Variants in PRKCE observed in about 807,000 individuals in gnomAD.
The protein encoded by PRKCE is protein kinase C epsilon.
In PRKCE, 16 loss-of-function variants were observed where a neutral mutation model predicts 85.4. The observed-to-expected ratio is 0.19, with a 90% CI of 0.13 to 0.28. PRKCE has a LOEUF of 0.28. Among genes scored for constraint, PRKCE ranks in the 10% least tolerant of loss-of-function variants. PRKCE has a pLI of 1.00. For synonymous variants in PRKCE, 388 were observed against 371.5 expected (o/e 1.04, Z -0.51); for missense variants, 573 against 975.2 (o/e 0.59, Z 5.49).
rs192280864 is a variant in PRKCE at position 46,037,676 on chromosome 2, G to A, written c.1437+27159G>A. ...CAACTCCCAATCCTTTCTTCTGAGG[G>A]CAGGATGTTGTAGGGCTATTGTTCC... On this transcript the variant is annotated intron_variant, in intron 10 of 14. Transcript: ENST00000306156. Among the ~76,000 whole-genome samples, 158 of 152,254 alleles carry A rather than the reference G, an allele frequency of 1.0e-3. 1 individual carries two copies. The highest frequency in any genetic ancestry group is 1.9e-3 in the Non-Finnish European group (127 of 68,016).
At chr2:45,833,130 C>G (rs1322754362) in intron 1 of PRKCE, among the ~76,000 whole-genome samples, 1 of 86,114 alleles carries the variant, frequency 1.2e-5, no homozygotes, top group Admixed American at 1.5e-4. Flanking sequence ...CCAGCCTGGG[C>G]AACATGGCAA....
intron 1 of PRKCE, among the ~76,000 whole-genome samples, chr2:45,799,927 G>A (rs974125058): frequency 1.3e-5 from 2 of 152,212 alleles, no homozygotes; most frequent in Admixed American, 1.3e-4. Flanking sequence ...TAAGCTCCTA[G>A]CATCTGAATG....
At position 46,184,411 on chromosome 2, in the gene PRKCE, G is replaced by A. The variant is rs900773114; in HGVS notation, c.2068-324G>A. 1.4e-5 allele frequency among the ~76,000 whole-genome samples: 2 copies of A among 145,932 alleles called. No individual in the cohort carries two copies. Among genetic ancestry groups the A allele is most frequent in the Non-Finnish European group, 3.0e-5 (2 of 66,780 alleles). Reference sequence around the variant, plus strand: ...GTTGCTGAAAGAGGGTGTGAGATGGGACCTTTGCATCATACACACACAAAC... The same window carrying A: ...GTTGCTGAAAGAGGGTGTGAGATGGAACCTTTGCATCATACACACACAAAC... On this transcript the variant is annotated intron_variant, in intron 14 of 14. Transcript: ENST00000306156. This position sits in a 1 kb window ranked among gnomAD's most constrained non-coding sequence, Gnocchi z 5.0.
Position 46,185,925 on chromosome 2 carries a change from T to C in PRKCE, c.*1044T>C, listed in dbSNP as rs547179075. 2 of 152,398 alleles carry C rather than the reference T, an allele frequency of 1.3e-5. No individual in the cohort carries two copies. Among genetic ancestry groups the C allele is most frequent in the African/African-American group, 4.8e-5 (2 of 41,598 alleles). 9.4% of individuals were successfully genotyped at this position (152,398 alleles called of 1,614,324 possible). A position where few individuals can be genotyped will look rare whatever the true frequency, so the allele number is the denominator to read the frequency against. On this transcript the variant is annotated 3_prime_UTR_variant, in exon 15 of 15. Transcript: ENST00000306156. The surrounding 1 kb of genome is among the most constrained non-coding windows in gnomAD (Gnocchi z 4.7). ...TTTGCGCACTTATACAAAATGGTAG[T>C]ACTACTGTGTTGTGGTTTTTAAACA... is the stretch of plus-strand genomic sequence containing the variant.
intron 10 of PRKCE, among the ~76,000 whole-genome samples, chr2:46,056,682 C>G (rs2105095062): frequency 6.6e-6 from 1 of 152,296 alleles, no homozygotes; most frequent in Middle Eastern, 3.4e-3. Flanking sequence ...GTGTTGGATA[C>G]TAGTCAAGCC....
chr2:45,999,559 T>G (rs1293730007), intron 6 of PRKCE, among the ~76,000 whole-genome samples: 1 of 152,124 alleles, frequency 6.6e-6, no homozygotes, highest in East Asian at 1.9e-4. Flanking sequence ...TATAGTTTTT[T>G]GTTGGTTTGT....
intron 1 of PRKCE, among the ~76,000 whole-genome samples, chr2:45,816,899 G>T (rs1351109032): frequency 6.6e-6 from 1 of 152,162 alleles, no homozygotes; most frequent in Admixed American, 6.5e-5. Context: ...GAGACCCCCT[G>T]CTCGGGGGTT....
chr2:45,668,128 G>A (rs976482014), intron 1 of PRKCE, among the ~76,000 whole-genome samples: 1 of 152,164 alleles, frequency 6.6e-6, no homozygotes, highest in South Asian at 2.1e-4. Context: ...ATCACTTGAG[G>A]TCAGGAGTTC....
chr2:45,987,372 T>C (rs1188297442), intron 6 of PRKCE, among the ~76,000 whole-genome samples: 1 of 152,212 alleles, frequency 6.6e-6, no homozygotes, highest in Admixed American at 6.5e-5. Flanking sequence ...CCAGCCAAAG[T>C]GTGCAGACTT....
intron 3 of PRKCE, among the ~76,000 whole-genome samples, chr2:45,976,857 CTGTGTGTGTGTG>C (rs56287103): frequency 1.5e-3 from 204 of 135,050 alleles, no homozygotes; most frequent in African/African-American, 3.1e-3. Context: ...GATATTGTGA[CTGTGTGTGTGTG>C]TGTGTGTGTG....
chr2:45,747,493 G>C (rs1050238252), intron 1 of PRKCE, among the ~76,000 whole-genome samples: 6 of 152,156 alleles, frequency 3.9e-5, no homozygotes, highest in African/African-American at 1.4e-4. Flanking sequence ...GTTTTACTTA[G>C]CATAATGTCC....
chr2:45,976,348 G>A, intron 2 of PRKCE, 81 bp from the exon 3 acceptor site: 2 of 1,486,532 alleles, frequency 1.3e-6, no homozygotes, highest in African/African-American at 1.4e-5. Flanking sequence ...CCCAGGGATG[G>A]AGTAGCTCTC....
chr2:45,766,762 G>A (rs368191679), intron 1 of PRKCE, among the ~76,000 whole-genome samples: 27 of 152,168 alleles, frequency 1.8e-4, no homozygotes, highest in Non-Finnish European at 1.2e-4. Context: ...AGTCTGGGCC[G>A]GGCACGGAGG....
At chr2:45,825,974 T>G (rs1168470801) in intron 1 of PRKCE, among the ~76,000 whole-genome samples, 1 of 152,196 alleles carries the variant, frequency 6.6e-6, no homozygotes, top group Non-Finnish European at 1.5e-5. Flanking sequence ...GCCATCTCTT[T>G]AGAAGATATA....
chr2:46,180,084 T>C (rs1679818454), intron 14 of PRKCE, among the ~76,000 whole-genome samples: 1 of 152,096 alleles, frequency 6.6e-6, no homozygotes, highest in African/African-American at 2.4e-5. Context: ...CATAGATTAG[T>C]TGAAAAGAAG....
intron 1 of PRKCE, among the ~76,000 whole-genome samples, chr2:45,829,175 A>ATGTG (rs1421110098): frequency 1.3e-5 from 2 of 152,200 alleles, no homozygotes; most frequent in Admixed American, 1.3e-4. Flanking sequence ...CTTTTCACAT[A>ATGTG]TGTGTGATTT....
intron 2 of PRKCE, among the ~76,000 whole-genome samples, chr2:45,955,066 CACTCCATCACGCACTCCATCAAGT>C (rs1276437719): frequency 2.0e-5 from 1 of 48,974 alleles, no homozygotes; most frequent in African/African-American, 7.1e-5. Flanking sequence ...ACAATATGAA[CACTCCATCACGCACTCCATCAAGT>C]ACTCCATCAA....
chr2:45,931,793 G>T (rs369131905), intron 2 of PRKCE, among the ~76,000 whole-genome samples: 1 of 151,894 alleles, frequency 6.6e-6, no homozygotes, highest in Non-Finnish European at 1.5e-5. Flanking sequence ...TGCAGCCTTC[G>T]CCTCCCGGGT....
At position 46,004,391 on chromosome 2, in the gene PRKCE, T is replaced by C; in HGVS notation, c.967-151T>C. 1.5e-6 allele frequency: 1 copy of C among 662,240 alleles called. No homozygotes were observed. Among genetic ancestry groups the C allele is most frequent in the Non-Finnish European group, 2.6e-6 (1 of 386,970 alleles). 41.0% of individuals were successfully genotyped at this position (662,240 alleles called of 1,614,324 possible). A position where few individuals can be genotyped will look rare whatever the true frequency, so the allele number is the denominator to read the frequency against. ...GGATCGAACTTCATTTTGGCTACTT[T>C]GGCGATGGCTGCAAGAGGACAGAGA... On this transcript the variant is annotated intron_variant, in intron 7 of 14. Coordinates refer to ENST00000306156, the MANE Select transcript of PRKCE (RefSeq NM_005400.3). This position sits in a 1 kb window ranked among gnomAD's most constrained non-coding sequence, Gnocchi z 4.1.
Sources: gnomAD v4.1 joint callset for allele counts (sites outside exome capture counted in the v4.1 genomes callset) on GRCh38, gnomAD v4.1.1 for gene constraint, Gnocchi (gnomAD v3.1) non-coding constraint, MANE v1.5 for transcripts, NCBI Gene and HGNC (gene_info 2026-07-23, HGNC 2026-07-21) for gene names.